The following TMEM117 variants were observed in gnomAD, a reference collection of about 807,000 sequenced individuals.
The protein encoded by TMEM117 is transmembrane protein 117.
TMEM117 carries 27 observed loss-of-function variants against 52.4 expected under a neutral mutation model. The observed-to-expected ratio is 0.51, with a 90% CI of 0.38 to 0.71. The LOEUF (loss-of-function observed/expected upper bound fraction) is 0.71, where lower values mean the gene tolerates loss of function less well. TMEM117 is among the 30% of genes least tolerant of loss of function. TMEM117 has a pLI of 0.00. For synonymous variants in TMEM117, 215 were observed against 206.3 expected (o/e 1.04, Z -0.36); for missense variants, 556 against 630.5 (o/e 0.88, Z 1.26).
chr12:44,074,856 ACATGCTAG>A (rs1423815525), intron 3 of TMEM117, among the ~76,000 whole-genome samples: 91 of 152,160 alleles, frequency 6.0e-4, no homozygotes, highest in Non-Finnish European at 1.9e-4. Flanking sequence ...ATCCTTAAGA[ACATGCTAG>A]CATCTCTTGC....
At chr12:44,101,441 G>A (rs1947859301) in intron 3 of TMEM117, among the ~76,000 whole-genome samples, 1 of 151,786 alleles carries the variant, frequency 6.6e-6, no homozygotes, top group African/African-American at 2.4e-5. Context: ...CCCTGAATGT[G>A]GGTCCAAATC....
At chr12:43,944,020 G>A (rs527949993) in intron 2 of TMEM117, among the ~76,000 whole-genome samples, 190 bp from the exon 3 acceptor site, 2 of 152,140 alleles carry the variant, frequency 1.3e-5, no homozygotes, top group Admixed American at 6.5e-5. Context: ...GATCGTCTTC[G>A]ACTTTATTTA....
At chr12:43,893,519 T>G (rs1944145240) in intron 2 of TMEM117, among the ~76,000 whole-genome samples, 1 of 152,208 alleles carries the variant, frequency 6.6e-6, no homozygotes, top group Admixed American at 6.5e-5. Context: ...AGTGCATATT[T>G]AAATCAACCT....
In TMEM117 at chr12:44,158,131, T is replaced by C. The variant is rs1458950244; in HGVS notation, c.510+14507T>C. On this transcript the variant is annotated intron_variant, in intron 4 of 7. Coordinates refer to ENST00000266534, the MANE Select transcript of TMEM117 (RefSeq NM_032256.3). Reference sequence around the variant, plus strand: ...AAGGAAAGGGAGTTTGGGCCAGATATGTAATTCAGGAAGCAAATTTGGGAA... The same window carrying C: ...AAGGAAAGGGAGTTTGGGCCAGATACGTAATTCAGGAAGCAAATTTGGGAA... 1.3e-5 allele frequency among the ~76,000 whole-genome samples: 2 copies of C among 152,184 alleles called. 1 individual carries two copies. Among genetic ancestry groups the C allele is most frequent in the East Asian group, 3.8e-4 (2 of 5,198 alleles).
intron 2 of TMEM117, among the ~76,000 whole-genome samples, chr12:43,932,311 ACTTTG>A (rs920889932): frequency 4.4e-4 from 67 of 151,048 alleles, no homozygotes; most frequent in African/African-American, 1.5e-3. Flanking sequence ...AGTCAGATTT[ACTTTG>A]CTTTGATTTC....
chr12:44,009,330 G>A lies in TMEM117; in HGVS notation c.410+64988G>A, dbSNP rs1946252238. On this transcript the variant is annotated intron_variant, in intron 3 of 7. Transcript: ENST00000266534. ...CATATTTTAGCTTTAACCCTAGAGA[G>A]ATGACAGCTTCACAGATACTCTGCA... 1.3e-5 allele frequency: 3 copies of A among 230,690 alleles called. No individual in the cohort carries two copies. In the South Asian group the frequency reaches 1.8e-4, roughly 14 times the overall value. 14.3% of individuals were successfully genotyped at this position (230,690 alleles called of 1,614,324 possible).
intron 6 of TMEM117, 102 bp from the exon 7 acceptor site, chr12:44,376,493 A>C: frequency 7.3e-7 from 1 of 1,370,182 alleles, no homozygotes; most frequent in Non-Finnish European, 1.0e-6. Flanking sequence ...GGCTGCATTT[A>C]AATGATTTTA....
chr12:44,332,855 G>A (rs886300088), intron 6 of TMEM117, among the ~76,000 whole-genome samples: 1 of 151,850 alleles, frequency 6.6e-6, no homozygotes, highest in Non-Finnish European at 1.5e-5. Context: ...AATTCTCTGT[G>A]TGTGTGTACA....
In TMEM117 at chr12:44,074,987, C is replaced by T. The variant is rs1428245558; in HGVS notation, c.411-68538C>T. Among the ~76,000 whole-genome samples the T allele has an allele frequency of 3.9e-5, 6 of 152,256 alleles. No homozygotes were observed. The South Asian group carries it at 1.2e-3, about 32-fold the overall frequency. On this transcript the variant is annotated intron_variant, in intron 3 of 7. Transcript: ENST00000266534. ...GCATTATTGTTTCTTGTCATTTTCT[C>T]CTTCATGTTTGAGGCTTATTCAGTT...
At chr12:44,368,373 C>T (rs1324331372) in intron 6 of TMEM117, among the ~76,000 whole-genome samples, 1 of 152,114 alleles carries the variant, frequency 6.6e-6, no homozygotes, top group Non-Finnish European at 1.5e-5. Context: ...AATCATAGAA[C>T]TGAAACCATT....
intron 4 of TMEM117, among the ~76,000 whole-genome samples, chr12:44,165,842 A>T (rs55999021): frequency 0.1 from 15,907 of 152,202 alleles, 934 homozygotes; most frequent in Middle Eastern, 0.2. Context: ...ACAAAGAAAC[A>T]TTGGATTTAA....
chr12:44,140,501 G>A (rs572981883), intron 3 of TMEM117, among the ~76,000 whole-genome samples: 77 of 152,112 alleles, frequency 5.1e-4, no homozygotes, highest in African/African-American at 1.7e-3. Flanking sequence ...TATTCTTCTG[G>A]ACAGTTTTTT....
intron 3 of TMEM117, among the ~76,000 whole-genome samples, chr12:43,958,502 T>C (rs887173306): frequency 1.1e-4 from 16 of 152,192 alleles, no homozygotes; most frequent in Non-Finnish European, 1.8e-4. Context: ...ATACAGGCAA[T>C]TTTGAAAATA....
intron 6 of TMEM117, among the ~76,000 whole-genome samples, chr12:44,308,637 T>TTTTTA: frequency 6.7e-6 from 1 of 149,762 alleles, no homozygotes; most frequent in African/African-American, 2.5e-5. Flanking sequence ...TTTTTTTTTT[T>TTTTTA]GAGACAGACT....
At chr12:44,191,638 TATAATA>T (rs1164921508) in intron 4 of TMEM117, among the ~76,000 whole-genome samples, 1 of 152,146 alleles carries the variant, frequency 6.6e-6, no homozygotes, top group African/African-American at 2.4e-5. Flanking sequence ...GCTCACCTTA[TATAATA>T]ATGACCATAC....
intron 5 of TMEM117, among the ~76,000 whole-genome samples, chr12:44,284,337 T>C (rs1950613427): frequency 6.6e-6 from 1 of 151,854 alleles, no homozygotes; most frequent in Non-Finnish European, 1.5e-5. Context: ...AAAAAGTGAC[T>C]TTCACCTCCC....
At chr12:44,212,420 T>A (rs1227586343) in intron 5 of TMEM117, among the ~76,000 whole-genome samples, 1 of 152,212 alleles carries the variant, frequency 6.6e-6, no homozygotes, top group Admixed American at 6.5e-5. Context: ...AGAGTATTGA[T>A]GCTGGCAATT....
chr12:44,018,044 A>G (rs1321251370), intron 3 of TMEM117, among the ~76,000 whole-genome samples: 1 of 152,070 alleles, frequency 6.6e-6, no homozygotes, highest in African/African-American at 2.4e-5. Flanking sequence ...GATCACTCCC[A>G]ATTTGGTATG....
intron 3 of TMEM117, among the ~76,000 whole-genome samples, chr12:44,041,009 AAAG>A (rs1946788730): frequency 6.6e-6 from 1 of 152,250 alleles, no homozygotes; most frequent in Non-Finnish European, 1.5e-5. Flanking sequence ...CACATGGAAA[AAAG>A]AAATACATGT....
Sources: gnomAD v4.1 joint callset for allele counts (sites outside exome capture counted in the v4.1 genomes callset) on GRCh38, gnomAD v4.1.1 for gene constraint, MANE v1.5 for transcripts, NCBI Gene and HGNC (gene_info 2026-07-23, HGNC 2026-07-21) for gene names.